JAKMIP3: variants seen among roughly 807,000 people sequenced by gnomAD.
JAKMIP3 encodes Janus kinase and microtubule interacting protein 3.
JAKMIP3 carries 58 observed loss-of-function variants against 118.5 expected under a neutral mutation model. The ratio of observed to expected loss-of-function variants is 0.49; its 90% CI spans 0.40 to 0.61. The LOEUF is 0.61. Among genes scored for constraint, JAKMIP3 ranks in the 20% least tolerant of loss-of-function variants. JAKMIP3 has a pLI of 0.00. For missense variants in JAKMIP3, 950 were observed against 1,109.0 expected (o/e 0.86, Z 2.04); for synonymous variants, 486 against 451.2 (o/e 1.08, Z -0.98).
At chr10:132,072,496 T>C (rs1161661449) in intron 1 of JAKMIP3, among the ~76,000 whole-genome samples, 3 of 152,080 alleles carry the variant, frequency 2.0e-5, no homozygotes, top group Non-Finnish European at 4.4e-5. Flanking sequence ...GATCGTACCA[T>C]AGCACTCCAA....
intron 19 of JAKMIP3, 47 bp downstream of exon 19, chr10:132,154,037 GA>G: frequency 6.3e-7 from 1 of 1,579,840 alleles, no homozygotes; most frequent in Non-Finnish European, 8.7e-7. Flanking sequence ...GCACTGGGCT[GA>G]AACGGCCACG....
rs1384120468 is a variant in JAKMIP3 at position 132,145,016 on chromosome 10, AAGAC to A, written c.1603-86_1603-83del. The A allele has an allele frequency of 5.7e-6, 6 of 1,049,432 alleles. No individual in the cohort carries two copies. The African/African-American group carries it at 7.9e-5, about 14-fold the overall frequency. 65.0% of individuals were successfully genotyped at this position (1,049,432 alleles called of 1,614,324 possible). On this transcript the variant is annotated intron_variant, in intron 11 of 23. Coordinates refer to ENST00000684848, the MANE Select transcript of JAKMIP3 (RefSeq NM_001323087.2). ...GTCACTTCTCAATGAACTGAACCAA[AAGAC>A]AGACCCTTCTGACGTCCCACGAGTG... is the stretch of plus-strand genomic sequence containing the variant.
chr10:132,098,942 C>T (rs1434366483), intron 1 of JAKMIP3, among the ~76,000 whole-genome samples: 2 of 152,186 alleles, frequency 1.3e-5, no homozygotes, highest in African/African-American at 2.4e-5. Context: ...GGACCCGAAC[C>T]TTGGACTTCT....
Position 132,137,170 on chromosome 10 carries a change from C to T in JAKMIP3, c.1248+20C>T, listed in dbSNP as rs1466399700. ...TCTAAGGTACCCGGCGGGCTGTTTG[C>T]TGCGGCCCCGTCCTCTGGCTCCCAA... is the stretch of plus-strand genomic sequence containing the variant. On this transcript the variant is annotated intron_variant, in intron 7 of 23. Transcript: ENST00000684848. The T allele has an allele frequency of 1.2e-6, 2 of 1,613,708 alleles. No homozygotes were observed. The highest frequency in any genetic ancestry group is 8.5e-7 in the Non-Finnish European group (1 of 1,179,806).
Position 132,112,258 on chromosome 10 carries a change from C to T in JAKMIP3, c.136-4819C>T, listed in dbSNP as rs1403483203. Reference sequence around the variant, plus strand: ...GTGAGCACAGGTGCCTGCTGTCCCGCGGGGCACACGGGCCTCAGGTGTGGG... The same window carrying T: ...GTGAGCACAGGTGCCTGCTGTCCCGTGGGGCACACGGGCCTCAGGTGTGGG... On this transcript the variant is annotated intron_variant, in intron 2 of 23. Coordinates refer to ENST00000684848, the MANE Select transcript of JAKMIP3 (RefSeq NM_001323087.2). The surrounding 1 kb of genome is among the most constrained non-coding windows in gnomAD (Gnocchi z 4.3). Among the ~76,000 whole-genome samples the T allele has an allele frequency of 4.0e-5, 6 of 151,884 alleles. No individual in the cohort carries two copies. Among genetic ancestry groups the T allele is most frequent in the African/African-American group, 1.2e-4 (5 of 41,394 alleles).
chr10:132,137,583 T>C (rs2052082411), intron 8 of JAKMIP3, among the ~76,000 whole-genome samples: 1 of 152,166 alleles, frequency 6.6e-6, no homozygotes, highest in South Asian at 2.1e-4. Flanking sequence ...GCTGCCCTTC[T>C]CCGGCTGCTC....
At chr10:132,165,705 G>A (rs775189968) in intron 21 of JAKMIP3, among the ~76,000 whole-genome samples, 2 of 152,198 alleles carry the variant, frequency 1.3e-5, no homozygotes, top group Admixed American at 1.3e-4. Context: ...CGCCTTAGAC[G>A]GGCCGTGTGT....
At position 132,040,505 on chromosome 10, in the gene JAKMIP3, T is replaced by C. The variant is rs946303865; in HGVS notation, c.-138+3767T>C. Among the ~76,000 whole-genome samples the C allele has an allele frequency of 2.6e-5, 4 of 152,200 alleles. No homozygotes were observed. The East Asian group carries it at 7.7e-4, about 29-fold the overall frequency. Reference sequence around the variant, plus strand: ...AGAGTTTGGATCATGCTATAATCATTTTATATCCTGCTTTTTAAAAATGTC... The same window carrying C: ...AGAGTTTGGATCATGCTATAATCATCTTATATCCTGCTTTTTAAAAATGTC... On this transcript the variant is annotated intron_variant, in intron 1 of 23. Coordinates refer to the JAKMIP3 transcript ENST00000657785.
At chr10:132,081,642 G>A (rs1016411253) in intron 1 of JAKMIP3, among the ~76,000 whole-genome samples, 1 of 152,032 alleles carries the variant, frequency 6.6e-6, no homozygotes, top group Non-Finnish European at 1.5e-5. Context: ...TCATCGTCAC[G>A]GTTGCCTCCG....
chr10:132,097,903 T>TTCCCCGTTCCTTCCTTCCTCTTCTTTTC (rs1554928094), intron 1 of JAKMIP3, among the ~76,000 whole-genome samples: 1 of 72,874 alleles, frequency 1.4e-5, no homozygotes, highest in African/African-American at 4.5e-5. Flanking sequence ...CCCCTTCCCC[T>TTCCCCGTTCCTTCCTTCCTCTTCTTTTC]TCCCCTTCCC....
chr10:132,162,479 A>C (rs1173979435), intron 19 of JAKMIP3, among the ~76,000 whole-genome samples: 1 of 152,226 alleles, frequency 6.6e-6, no homozygotes, highest in Admixed American at 6.5e-5. Context: ...TTGTGACTGT[A>C]AGAAGTGGAG....
intron 1 of JAKMIP3, among the ~76,000 whole-genome samples, chr10:132,097,533 A>G (rs1354353252): frequency 1.3e-5 from 2 of 152,096 alleles, no homozygotes; most frequent in African/African-American, 4.8e-5. Flanking sequence ...GTGGCTTCCC[A>G]TGGTTACAGA....
At chr10:132,077,532 G>T (rs1162971044) in intron 1 of JAKMIP3, among the ~76,000 whole-genome samples, 2 of 152,264 alleles carry the variant, frequency 1.3e-5, no homozygotes, top group Non-Finnish European at 2.9e-5. Context: ...CCCCTCGGGG[G>T]CCTGGAGCTC....
intron 1 of JAKMIP3, among the ~76,000 whole-genome samples, chr10:132,037,014 C>G (rs2037528579): frequency 4.6e-5 from 7 of 152,070 alleles, no homozygotes; most frequent in Admixed American, 4.6e-4. Context: ...GGGGCCCGCG[C>G]AGGTGCTGGG....
Position 132,042,174 on chromosome 10 carries a change from TGCTC to T in JAKMIP3, c.-138+5445_-138+5448del, listed in dbSNP as rs200343656. On this transcript the variant is annotated intron_variant, in intron 1 of 23. Coordinates refer to the JAKMIP3 transcript ENST00000657785. The stretch of plus-strand genomic sequence containing the variant: ...AGCCACCGTGCCCCGCTAGTTCACT[TGCTC>T]GCTCGCTCCTTCCTTCCTTCCTTCC... 5.8e-3 allele frequency among the ~76,000 whole-genome samples: 754 copies of T among 130,714 alleles called. 23 individuals carry two copies. The highest frequency in any genetic ancestry group is 0.016 in the African/African-American group (572 of 36,380). The allele number at this position is 130,714 out of a possible 152,430, so 85.8% of individuals were successfully genotyped here.
In JAKMIP3 at chr10:132,168,265, C is replaced by T. The variant is rs1431289369; in HGVS notation, c.*335C>T. On this transcript the variant is annotated 3_prime_UTR_variant, in exon 23 of 24. Coordinates refer to ENST00000684848, the MANE Select transcript of JAKMIP3 (RefSeq NM_001323087.2). ...TCCAGGGATGTGTAGCATTCCCTGC[C>T]AAGCAGGGGTGAGAACTGCTTCTGT... The T allele has an allele frequency of 7.8e-7, 1 of 1,289,318 alleles. No individual in the cohort carries two copies. The highest frequency in any genetic ancestry group is 1.0e-6 in the Non-Finnish European group (1 of 988,744). The allele number at this position is 1,289,318 out of a possible 1,614,324, so 79.9% of individuals were successfully genotyped here.
chr10:132,170,819 G>A (rs987121363), intron 23 of JAKMIP3, among the ~76,000 whole-genome samples: 25 of 152,216 alleles, frequency 1.6e-4, no homozygotes, highest in African/African-American at 5.5e-4. Context: ...TGGACAAGGC[G>A]TCTGTACAGC....
chr10:132,036,473 G>C (rs1479105744), upstream of JAKMIP3, among the ~76,000 whole-genome samples: 1 of 152,094 alleles, frequency 6.6e-6, no homozygotes, highest in African/African-American at 2.4e-5. Flanking sequence ...CGGCCCCCGG[G>C]CTATTTTCAG....
chr10:132,154,754 G>C (rs1297381911), intron 19 of JAKMIP3, among the ~76,000 whole-genome samples: 1 of 151,974 alleles, frequency 6.6e-6, no homozygotes, highest in African/African-American at 2.4e-5. Flanking sequence ...GTTCAGCCTG[G>C]GAACTCTCAG....
Sources: allele counts gnomAD v4.1 joint callset (sites outside exome capture counted in the v4.1 genomes callset), GRCh38; gene constraint gnomAD v4.1.1; non-coding constraint Gnocchi (gnomAD v3.1); transcripts MANE v1.5; gene names NCBI Gene and HGNC (gene_info 2026-07-23, HGNC 2026-07-21).